The following LMO3 variants were observed in gnomAD, a reference collection of about 807,000 sequenced individuals.
The protein encoded by LMO3 is LIM domain only protein 3.
Under a neutral mutation model 15.8 loss-of-function variants are expected in LMO3, and 2 were observed. The observed-to-expected ratio is 0.13, with a 90% confidence interval of 0.05 to 0.40. The LOEUF is 0.40. LMO3 is among the 10% of genes least tolerant of loss of function. The pLI is 0.99. For missense variants in LMO3, 86 were observed against 182.2 expected (o/e 0.47, Z 3.04); for synonymous variants, 62 against 63.8 (o/e 0.97, Z 0.13).
At position 16,587,764 on chromosome 12, in the gene LMO3, C is replaced by T. The variant is rs1943366352; in HGVS notation, c.206+12891G>A. 6.6e-6 allele frequency among the ~76,000 whole-genome samples: 1 copy of T among 151,974 alleles called. No homozygotes were observed. The highest frequency in any genetic ancestry group is 2.1e-4 in the South Asian group (1 of 4,824). On this transcript the variant is annotated intron_variant, in intron 2 of 3. Coordinates refer to ENST00000537304, the MANE Select transcript of LMO3 (RefSeq NM_018640.5). The surrounding 1 kb of genome is among the most constrained non-coding windows in gnomAD (Gnocchi z 4.3). ...CACTGCCTTTGGTACACAGGGTTCT[C>T]TTAGCATTTATCTGTCTAAAAATCT...
rs906554282 is a variant in LMO3, at chr12:16,593,716, G to C, written c.206+6939C>G. On this transcript the variant is annotated intron_variant, in intron 2 of 3. Coordinates refer to ENST00000537304, the MANE Select transcript of LMO3 (RefSeq NM_018640.5). This position sits in a 1 kb window ranked among gnomAD's most constrained non-coding sequence, Gnocchi z 4.2. ...TTAGGTCCTAATTCCTTTAGAGAAAGTTATCCATTAATACTGATAATAAAG... is the reference window on the plus strand; with the variant it reads ...TTAGGTCCTAATTCCTTTAGAGAAACTTATCCATTAATACTGATAATAAAG... Among the ~76,000 whole-genome samples the C allele has an allele frequency of 6.6e-6, 1 of 151,678 alleles. No individual in the cohort carries two copies. Among genetic ancestry groups the C allele is most frequent in the African/African-American group, 2.4e-5 (1 of 41,374 alleles).
chr12:16,596,931 G>A lies in LMO3; in HGVS notation c.206+3724C>T, dbSNP rs1182087160. 6.6e-6 allele frequency among the ~76,000 whole-genome samples: 1 copy of A among 151,676 alleles called. No individual in the cohort carries two copies. Among genetic ancestry groups the A allele is most frequent in the Middle Eastern group, 3.2e-3 (1 of 316 alleles). On this transcript the variant is annotated intron_variant, in intron 2 of 3. Transcript: ENST00000537304. This position sits in a 1 kb window ranked among gnomAD's most constrained non-coding sequence, Gnocchi z 4.3. ...CAAAAAAATAAAAATAATTATAAAT[G>A]CATTGGATAGATTTTTAACAGATAC...
At position 16,593,246 on chromosome 12, in the gene LMO3, C is replaced by A. The variant is rs1354525904; in HGVS notation, c.206+7409G>T. Among the ~76,000 whole-genome samples the A allele has an allele frequency of 6.6e-6, 1 of 151,842 alleles. No homozygotes were observed. The highest frequency in any genetic ancestry group is 2.4e-5 in the African/African-American group (1 of 41,408). On this transcript the variant is annotated intron_variant, in intron 2 of 3. Transcript: ENST00000537304. The surrounding 1 kb of genome is among the most constrained non-coding windows in gnomAD (Gnocchi z 4.2). Reference sequence around the variant, plus strand: ...AATATTGCTTTGGTGTGCTCTTCTGCAAATACTCTTTCAATTCCTAAGAGT... The same window carrying A: ...AATATTGCTTTGGTGTGCTCTTCTGAAAATACTCTTTCAATTCCTAAGAGT...
intron 2 of LMO3, among the ~76,000 whole-genome samples, chr12:16,566,073 G>A (rs573921998): frequency 6.3e-5 from 8 of 126,390 alleles, no homozygotes; most frequent in Middle Eastern, 5.1e-3. Flanking sequence ...AAAAAAGAAT[G>A]AAATCCTGTC....
At chr12:16,567,953 T>G (rs969823766) in intron 2 of LMO3, among the ~76,000 whole-genome samples, 1 of 152,034 alleles carries the variant, frequency 6.6e-6, no homozygotes, top group Non-Finnish European at 1.5e-5. Flanking sequence ...TTTAACAACA[T>G]GGTGGGGGTA....
Position 16,561,174 on chromosome 12 carries a change from A to G in LMO3, c.207-636T>C, listed in dbSNP as rs551445309. Among the ~76,000 whole-genome samples, 16 of 152,234 alleles carry G rather than the reference A, an allele frequency of 1.1e-4. No individual in the cohort carries two copies. In the East Asian group the frequency reaches 2.1e-3, roughly 20 times the overall value. The stretch of plus-strand genomic sequence containing the variant: ...GATAATATACTGTCAGAACCACTGG[A>G]ATTGTCTAGGATTTAAAAAAAATTC... On this transcript the variant is annotated intron_variant, in intron 2 of 3. Transcript: ENST00000537304.
At position 16,591,787 on chromosome 12, in the gene LMO3, G is replaced by A. The variant is rs990408064; in HGVS notation, c.206+8868C>T. On this transcript the variant is annotated intron_variant, in intron 2 of 3. Coordinates refer to ENST00000537304, the MANE Select transcript of LMO3 (RefSeq NM_018640.5). The surrounding 1 kb of genome is among the most constrained non-coding windows in gnomAD (Gnocchi z 4.1). Reference sequence around the variant, plus strand: ...TTGCTCTGCACCCAAAATATAACCCGTGAAGCTCAAAGCTCAGCTTTCATA... The same window carrying A: ...TTGCTCTGCACCCAAAATATAACCCATGAAGCTCAAAGCTCAGCTTTCATA... Among the ~76,000 whole-genome samples, 10 of 152,006 alleles carry A rather than the reference G, an allele frequency of 6.6e-5. No individual in the cohort carries two copies. Among genetic ancestry groups the A allele is most frequent in the Admixed American group, 1.3e-4 (2 of 15,228 alleles).
chr12:16,549,977 A>G lies in LMO3; in HGVS notation c.*1245T>C, dbSNP rs1941925156. On this transcript the variant is annotated 3_prime_UTR_variant, in exon 4 of 4. Coordinates refer to ENST00000537304, the MANE Select transcript of LMO3 (RefSeq NM_018640.5). ...ACTTAAAACAATGAGAGAGTAAAAC[A>G]CATCAAACTTAAAGTGTTTACTTTT... 6.6e-6 allele frequency: 1 copy of G among 152,142 alleles called. No homozygotes were observed. The highest frequency in any genetic ancestry group is 2.1e-4 in the South Asian group (1 of 4,834). 9.4% of individuals were successfully genotyped at this position (152,142 alleles called of 1,614,324 possible).
At chr12:16,605,705 G>C (rs1168502292) in intron 1 of LMO3, 1 of 1,429,760 alleles carries the variant, frequency 7.0e-7, no homozygotes, top group East Asian at 2.5e-5. Context: ...CTCCCCGGGA[G>C]TCAGGGGTGT....
intron 2 of LMO3, among the ~76,000 whole-genome samples, chr12:16,574,389 C>CT (rs755861993): frequency 5.3e-5 from 8 of 152,154 alleles, no homozygotes; most frequent in Non-Finnish European, 1.0e-4. Flanking sequence ...TGCTTTTGAA[C>CT]TTTGAGTCCC....
At chr12:16,553,159 T>A (rs1159984222) in intron 3 of LMO3, among the ~76,000 whole-genome samples, 1 of 152,096 alleles carries the variant, frequency 6.6e-6, no homozygotes, top group African/African-American at 2.4e-5. Flanking sequence ...ACATCCAACC[T>A]AGAAAGTAAG....
Position 16,587,681 on chromosome 12 carries a change from C to T in LMO3, c.206+12974G>A, listed in dbSNP as rs1239973509. 5.3e-5 allele frequency among the ~76,000 whole-genome samples: 8 copies of T among 151,574 alleles called. No homozygotes were observed. Among genetic ancestry groups the T allele is most frequent in the Admixed American group, 2.0e-4 (3 of 15,186 alleles). ...CTGTCAGGAGTGCATTTTAACAGCA[C>T]GACACAAGTATTTTTCACTACAGGA... On this transcript the variant is annotated intron_variant, in intron 2 of 3. Coordinates refer to ENST00000537304, the MANE Select transcript of LMO3 (RefSeq NM_018640.5). This position sits in a 1 kb window ranked among gnomAD's most constrained non-coding sequence, Gnocchi z 4.3.
At chr12:16,556,209 T>C (rs778993012) in intron 3 of LMO3, among the ~76,000 whole-genome samples, 58 of 152,346 alleles carry the variant, frequency 3.8e-4, no homozygotes, top group African/African-American at 1.3e-3. Flanking sequence ...CATTTAGTTT[T>C]ATTGTGTTTT....
At chr12:16,568,351 A>T (rs1327700512) in intron 2 of LMO3, among the ~76,000 whole-genome samples, 1 of 152,370 alleles carries the variant, frequency 6.6e-6, no homozygotes, top group East Asian at 1.9e-4. Flanking sequence ...CATAGAAAAC[A>T]GAAAAGCAAT....
At chr12:16,570,230 TG>T (rs1378881836) in intron 2 of LMO3, among the ~76,000 whole-genome samples, 1 of 152,182 alleles carries the variant, frequency 6.6e-6, no homozygotes, top group African/African-American at 2.4e-5. Flanking sequence ...AAACTTTTTA[TG>T]TAAGTAATAC....
At chr12:16,594,153 G>C in intron 2 of LMO3, 1 of 1,532,474 alleles carries the variant, frequency 6.5e-7, no homozygotes, top group Non-Finnish European at 8.7e-7. Context: ...ATGGTGATTT[G>C]TTGGCTAAAG....
At chr12:16,609,602 G>C (rs1029941846), upstream of LMO3, 1 of 150,960 alleles carries the variant, frequency 6.6e-6, no homozygotes, top group East Asian at 1.9e-4. Flanking sequence ...ACTTATTAAA[G>C]GAAAAAAAAA....
At chr12:16,595,142 T>G (rs1476066064) in intron 2 of LMO3, among the ~76,000 whole-genome samples, 1 of 151,404 alleles carries the variant, frequency 6.6e-6, no homozygotes, top group Non-Finnish European at 1.5e-5. Flanking sequence ...CTGAAGTATT[T>G]CATACTTATT....
In LMO3 at chr12:16,585,835, A is replaced by G. The variant is rs1428570764; in HGVS notation, c.206+14820T>C. Among the ~76,000 whole-genome samples the G allele has an allele frequency of 2.0e-5, 3 of 152,212 alleles. No homozygotes were observed. Among genetic ancestry groups the G allele is most frequent in the Non-Finnish European group, 4.4e-5 (3 of 68,028 alleles). On this transcript the variant is annotated intron_variant, in intron 2 of 3. Coordinates refer to ENST00000537304, the MANE Select transcript of LMO3 (RefSeq NM_018640.5). This position sits in a 1 kb window ranked among gnomAD's most constrained non-coding sequence, Gnocchi z 4.7. Reference sequence around the variant, plus strand: ...GATCTGGGCTTCCCAGGAAACAAAGAAAAGAGGGAAAATGTCAACATGTAT... The same window carrying G: ...GATCTGGGCTTCCCAGGAAACAAAGGAAAGAGGGAAAATGTCAACATGTAT...
Sources: allele counts gnomAD v4.1 joint callset (sites outside exome capture counted in the v4.1 genomes callset), GRCh38; gene constraint gnomAD v4.1.1; non-coding constraint Gnocchi (gnomAD v3.1); transcripts MANE v1.5; gene names NCBI Gene and HGNC (gene_info 2026-07-23, HGNC 2026-07-21).